Variants in BRAP observed in about 807,000 individuals in gnomAD.
BRAP encodes BRCA1-associated protein.
A neutral mutation model predicts 73.4 loss-of-function variants in BRAP; 42 were observed. That is an observed-to-expected ratio of 0.57 (90% CI 0.45 to 0.74). The LOEUF is 0.74. Among genes scored for constraint, BRAP ranks in the 30% least tolerant of loss-of-function variants. The pLI, the probability that BRAP is intolerant of heterozygous loss-of-function variation, is 0.00. For missense variants in BRAP, 593 were observed against 751.4 expected, an observed-to-expected ratio of 0.79 and a Z score of 2.46; for synonymous variants, 255 against 267.4, an observed-to-expected ratio of 0.95 and a Z score of 0.45.
At chr12:111,677,665 T>C (rs1227413973) in intron 4 of BRAP, among the ~76,000 whole-genome samples, 1 of 152,206 alleles carries the variant, frequency 6.6e-6, no homozygotes, top group African/African-American at 2.4e-5. Context: ...TTACATGTGC[T>C]ACCAGACTGA....
chr12:111,650,804 A>G (rs986578506), intron 10 of BRAP, among the ~76,000 whole-genome samples: 2 of 152,212 alleles, frequency 1.3e-5, no homozygotes, highest in African/African-American at 2.4e-5. Flanking sequence ...TGTATCATGA[A>G]GCCACATGGA....
At chr12:111,670,395 A>T (rs1294992425) in intron 5 of BRAP, 1 of 365,010 alleles carries the variant, frequency 2.7e-6, no homozygotes, top group Non-Finnish European at 5.4e-6. Context: ...CCCACTTATC[A>T]AATTTTGATT....
rs190921827 is a variant in BRAP at position 111,655,854 on chromosome 12, G to T, written c.1222-199C>A. 4.3e-4 allele frequency among the ~76,000 whole-genome samples: 65 copies of T among 152,274 alleles called. 1 individual carries two copies. In the East Asian group the frequency reaches 8.5e-3, roughly 20 times the overall value. On this transcript the variant is annotated intron_variant, in intron 9 of 11. Coordinates refer to ENST00000419234, the MANE Select transcript of BRAP (RefSeq NM_006768.5). ...GACATTATGCTTCTGTCTTCCTGGGGCTTACAATCTAGTCAGAATAAATGT... is the reference window on the plus strand; with the variant it reads ...GACATTATGCTTCTGTCTTCCTGGGTCTTACAATCTAGTCAGAATAAATGT...
intron 6 of BRAP, among the ~76,000 whole-genome samples, chr12:111,661,022 T>A (rs1886731624): frequency 6.6e-6 from 1 of 151,766 alleles, no homozygotes; most frequent in African/African-American, 2.4e-5. Context: ...CTCTGTTGCC[T>A]GGGCTGGAGT....
chr12:111,672,759 A>G lies in BRAP; in HGVS notation c.649T>C (p.Phe217Leu). Residue 217 changes from phenylalanine (F) to leucine (L), a missense_variant, in exon 5 of 12, where the codon TTT (phenylalanine) becomes CTT (leucine). Transcript: ENST00000419234. Reference sequence around the variant, plus strand: ...TGGCGGCCATTGCATGTCATATAAAAACTATCCGCATCAGCCTATGTACAC... The same window carrying G: ...TGGCGGCCATTGCATGTCATATAAAGACTATCCGCATCAGCCTATGTACAC... ...KFRAQADADS[F>L]YMTCNGRQFN... 1 of 1,614,056 alleles carries G rather than the reference A, an allele frequency of 6.2e-7. No homozygotes were observed. Among genetic ancestry groups the G allele is most frequent in the Non-Finnish European group, 8.5e-7 (1 of 1,180,002 alleles).
intron 4 of BRAP, among the ~76,000 whole-genome samples, chr12:111,675,400 A>G (rs1295951734): frequency 6.6e-6 from 1 of 151,568 alleles, no homozygotes; most frequent in East Asian, 1.9e-4. Context: ...ATCACTAAAC[A>G]GCTGAGATTT....
In BRAP at chr12:111,683,303, C is replaced by T. The variant is rs1256004846; in HGVS notation, c.87G>A (p.Gly29=). The change falls in exon 2 of 12, where the codon GGG becomes GGA. Residue 29 remains glycine (G), a synonymous_variant. Transcript: ENST00000419234. ...TTTTTATCTCCTCATCAGACATTTC[C>T]CCGGCTAAAGAACACATGAATGATT... is the stretch of plus-strand genomic sequence containing the variant. The part of the protein sequence containing the change: ...PAGFGFSAAA[G]EMSDEEIKKT... The T allele has an allele frequency of 6.2e-7, 1 of 1,608,972 alleles. No individual in the cohort carries two copies. Among genetic ancestry groups the T allele is most frequent in the East Asian group, 2.2e-5 (1 of 44,842 alleles).
chr12:111,645,629 A>G (rs932660106), intron 11 of BRAP, among the ~76,000 whole-genome samples: 2 of 152,160 alleles, frequency 1.3e-5, no homozygotes, highest in Non-Finnish European at 2.9e-5. Flanking sequence ...TAGACTTGGG[A>G]GTGCCCTATT....
In BRAP at chr12:111,681,783, A is replaced by G. The variant is rs762834887; in HGVS notation, c.297T>C (p.Thr99=). 3.1e-6 allele frequency: 5 copies of G among 1,613,834 alleles called. No homozygotes were observed. The highest frequency in any genetic ancestry group is 1.3e-5 in the African/African-American group (1 of 74,902). The change falls in exon 3 of 12, where the codon ACT becomes ACC. Residue 99 remains threonine (T), a synonymous_variant. Transcript: ENST00000419234. ...TACTGTGATCTTTACTTCTTTGCGC[A>G]GTGGGGGAGGCTTCTGAAGACTTCC... ...EERKSSEASP[T]AQRSKDHSKE... is the part of the protein sequence containing the mutation.
intron 10 of BRAP, among the ~76,000 whole-genome samples, chr12:111,652,083 G>C (rs1288424726): frequency 6.6e-6 from 1 of 152,066 alleles, no homozygotes; most frequent in African/African-American, 2.4e-5. Context: ...CTTCTAAACT[G>C]ACTCCTGTCA....
intron 10 of BRAP, 115 bp downstream of exon 10, chr12:111,655,451 C>T (rs1286857710): frequency 5.0e-6 from 4 of 804,494 alleles, no homozygotes; most frequent in Non-Finnish European, 8.1e-6. Flanking sequence ...CTATTACCTG[C>T]CTGAGAAGGG....
At chr12:111,659,475 G>A (rs1886660109) in intron 7 of BRAP, 130 bp from the exon 8 acceptor site, 2 of 738,836 alleles carry the variant, frequency 2.7e-6, no homozygotes, top group East Asian at 2.9e-5. Context: ...CCAACATGAT[G>A]AAACCCCATC....
chr12:111,685,690 C>A (rs1032341944), intron 1 of BRAP, 21 bp downstream of exon 1: 11 of 1,594,524 alleles, frequency 6.9e-6, no homozygotes, highest in East Asian at 2.3e-5. Context: ...ACAGGGAATG[C>A]GGCGAGGCCG....
At chr12:111,658,675 C>A in intron 9 of BRAP, 61 bp downstream of exon 9, 3 of 1,284,510 alleles carry the variant, frequency 2.3e-6, no homozygotes, top group South Asian at 1.4e-5. Flanking sequence ...ACAAATATTT[C>A]AAATTAGAAT....
chr12:111,684,625 T>C (rs1361017351), intron 1 of BRAP, among the ~76,000 whole-genome samples: 2 of 152,178 alleles, frequency 1.3e-5, no homozygotes, highest in African/African-American at 4.8e-5. Flanking sequence ...GCTGTCTGAT[T>C]CAGCACACAA....
chr12:111,653,642 A>G (rs1376713508), intron 10 of BRAP, among the ~76,000 whole-genome samples: 1 of 151,896 alleles, frequency 6.6e-6, no homozygotes, highest in Non-Finnish European at 1.5e-5. Flanking sequence ...CTTGATCCAC[A>G]CCCCTCCTCC....
chr12:111,653,926 A>G lies in BRAP; in HGVS notation c.1311+1640T>C, dbSNP rs953148231. Among the ~76,000 whole-genome samples, 58 of 152,232 alleles carry G rather than the reference A, an allele frequency of 3.8e-4. 1 individual carries two copies. The highest frequency in any genetic ancestry group is 3.7e-3 in the Admixed American group (56 of 15,282). ...ATTTTACCCTGACCTAAAAGCAAAC[A>G]TAAGTTTCAGTGTTTCGTTTTCCTG... On this transcript the variant is annotated intron_variant, in intron 10 of 11. Transcript: ENST00000419234.
intron 11 of BRAP, among the ~76,000 whole-genome samples, chr12:111,645,288 G>A (rs1212779314): frequency 2.6e-5 from 4 of 152,006 alleles, no homozygotes. Context: ...AGGCTGGTCT[G>A]GAACTCCTGA....
Position 111,681,798 on chromosome 12 carries a change from T to G in BRAP, c.282A>C (p.Ser94=). The part of the protein sequence containing the change: ...LKTTVEERKS[S]EASPTAQRSK... Reference sequence around the variant, plus strand: ...TTCTTTGCGCAGTGGGGGAGGCTTCTGAAGACTTCCTTTCTTCCACTGTAG... The same window carrying G: ...TTCTTTGCGCAGTGGGGGAGGCTTCGGAAGACTTCCTTTCTTCCACTGTAG... The change falls in exon 3 of 12, where the codon TCA becomes TCC. Residue 94 remains serine, a synonymous_variant. Transcript: ENST00000419234. 2 of 1,612,320 alleles carry G rather than the reference T, an allele frequency of 1.2e-6. No homozygotes were observed. The highest frequency in any genetic ancestry group is 1.7e-6 in the Non-Finnish European group (2 of 1,179,482).
Sources: gnomAD v4.1 joint callset for allele counts (sites outside exome capture counted in the v4.1 genomes callset) on GRCh38, gnomAD v4.1.1 for gene constraint, MANE v1.5 for transcripts, NCBI Gene and HGNC (gene_info 2026-07-23, HGNC 2026-07-21) for gene names.